Variants in AHRR observed in about 807,000 individuals in gnomAD.
AHRR encodes ahR repressor.
AHRR carries 28 observed loss-of-function variants against 44.0 expected under a neutral mutation model. The observed-to-expected ratio is 0.64, with a 90% confidence interval of 0.47 to 0.87. The LOEUF (loss-of-function observed/expected upper bound fraction) is 0.87. Ranked by LOEUF, AHRR falls within the 40% of genes least tolerant of loss-of-function variation. AHRR has a pLI of 0.00. For synonymous variants in AHRR, 434 were observed against 407.0 expected (o/e 1.07, Z -0.80); for missense variants, 990 against 953.9 (o/e 1.04, Z -0.50).
intron 3 of AHRR, among the ~76,000 whole-genome samples, chr5:364,312 A>G (rs1743280958): frequency 6.6e-6 from 1 of 152,256 alleles, no homozygotes; most frequent in African/African-American, 2.4e-5. Flanking sequence ...ATGAAAAACA[A>G]GAAGGTGGTG....
chr5:394,225 G>C (rs559420364), intron 4 of AHRR, among the ~76,000 whole-genome samples: 1 of 152,174 alleles, frequency 6.6e-6, no homozygotes, highest in Non-Finnish European at 1.5e-5. Flanking sequence ...TCCTGCTGGC[G>C]AATGTTTTCT....
chr5:344,063 G>A, intron 2 of AHRR, 99 bp downstream of exon 2: 4 of 1,327,558 alleles, frequency 3.0e-6, no homozygotes, highest in Non-Finnish European at 3.1e-6. Context: ...CAGGGCGAGC[G>A]AGGAAGGCTT....
intron 5 of AHRR, chr5:420,793 G>GCACGCAGCCACGCAGC (rs990758272): frequency 2.3e-5 from 2 of 87,534 alleles, no homozygotes; most frequent in Non-Finnish European, 4.0e-5. Flanking sequence ...CGCGCTGCAC[G>GCACGCAGCCACGCAGC]CACGCAGCCA....
At chr5:433,216 C>T (rs1467036832) in intron 10 of AHRR, among the ~76,000 whole-genome samples, 2 of 152,084 alleles carry the variant, frequency 1.3e-5, no homozygotes, top group African/African-American at 4.8e-5. Context: ...CTCTGGGACC[C>T]GCCCTCACCT....
At chr5:416,939 G>C (rs1321358650) in intron 5 of AHRR, among the ~76,000 whole-genome samples, 1 of 151,596 alleles carries the variant, frequency 6.6e-6, no homozygotes, top group Non-Finnish European at 1.5e-5. Flanking sequence ...TGGTCTTTAT[G>C]TGCAGGGCCC....
chr5:403,301 A>G (rs952646361), intron 4 of AHRR, among the ~76,000 whole-genome samples: 7 of 152,174 alleles, frequency 4.6e-5, no homozygotes, highest in African/African-American at 1.7e-4. Context: ...TTGCACAACA[A>G]TGTGGACGTG....
At position 433,930 on chromosome 5, in the gene AHRR, C is replaced by T; in HGVS notation, c.1190C>T (p.Thr397Ile). Residue 397 changes from threonine to isoleucine, a missense_variant, in exon 11 of 11, where the codon ACA becomes ATA. Thr to Ile is a moderately conservative substitution (Grantham distance 89). Coordinates refer to ENST00000684583, the MANE Select transcript of AHRR (RefSeq NM_001377236.1). ...VTGRRETPGP[T>I]KPLPWTAGKH... ...GGGCGGAGGGAGACTCCAGGACCCACAAAGCCCCTGCCCTGGACAGCGGGA... is the reference window on the plus strand; with the variant it reads ...GGGCGGAGGGAGACTCCAGGACCCATAAAGCCCCTGCCCTGGACAGCGGGA... 6.5e-7 allele frequency: 1 copy of T among 1,536,920 alleles called. No individual in the cohort carries two copies. Among genetic ancestry groups the T allele is most frequent in the Non-Finnish European group, 8.8e-7 (1 of 1,142,154 alleles).
chr5:355,289 C>T (rs932113206), intron 3 of AHRR, among the ~76,000 whole-genome samples: 4 of 152,042 alleles, frequency 2.6e-5, no homozygotes, highest in Non-Finnish European at 5.9e-5. Context: ...TGGGCACCAC[C>T]CTGCATGCAC....
At chr5:332,846 A>T (rs572942213) in intron 1 of AHRR, among the ~76,000 whole-genome samples, 1 of 151,208 alleles carries the variant, frequency 6.6e-6, no homozygotes, top group Non-Finnish European at 1.5e-5. Context: ...GGGTGCACCA[A>T]TGTTGGATGC....
At position 437,021 on chromosome 5, in the gene AHRR, A is replaced by C. The variant is rs566044947; in HGVS notation, c.*2187A>C. ...TCCTTCCTATTCTAACCGAGTGCCC[A>C]GCTCCTTTGCTGATCATGGAAAGAC... On this transcript the variant is annotated 3_prime_UTR_variant, in exon 11 of 11. Coordinates refer to ENST00000684583, the MANE Select transcript of AHRR (RefSeq NM_001377236.1). 6.6e-6 allele frequency: 1 copy of C among 152,444 alleles called. No individual in the cohort carries two copies. Among genetic ancestry groups the C allele is most frequent in the Admixed American group, 6.5e-5 (1 of 15,288 alleles). 9.4% of individuals were successfully genotyped at this position (152,444 alleles called of 1,614,324 possible).
At chr5:323,321 G>T (rs1284518169) in intron 1 of AHRR, among the ~76,000 whole-genome samples, 1 of 152,190 alleles carries the variant, frequency 6.6e-6, no homozygotes, top group Non-Finnish European at 1.5e-5. Flanking sequence ...TGAGTATTTT[G>T]TAAAATGGAA....
chr5:365,423 G>C (rs1159576598), intron 3 of AHRR, among the ~76,000 whole-genome samples: 3 of 152,116 alleles, frequency 2.0e-5, no homozygotes, highest in Non-Finnish European at 4.4e-5. Flanking sequence ...AAGAAAAGAA[G>C]ATGTAATTTA....
At chr5:400,693 A>G (rs909017421) in intron 4 of AHRR, among the ~76,000 whole-genome samples, 1 of 152,262 alleles carries the variant, frequency 6.6e-6, no homozygotes, top group African/African-American at 2.4e-5. Context: ...CCAGAAGTCA[A>G]TCTGATATTG....
At chr5:392,380 C>T (rs1301942775) in intron 4 of AHRR, among the ~76,000 whole-genome samples, 30 of 122,078 alleles carry the variant, frequency 2.5e-4, no homozygotes, top group African/African-American at 8.5e-4. Flanking sequence ...GGGCGCAGGG[C>T]GAGGAGGGCG....
intron 7 of AHRR, among the ~76,000 whole-genome samples, chr5:424,552 G>A (rs971870520): frequency 3.9e-5 from 6 of 152,162 alleles, no homozygotes; most frequent in African/African-American, 7.2e-5. Flanking sequence ...TGAGTCAACC[G>A]TGAGGCCTGC....
At chr5:325,019 C>T (rs1181056119) in intron 1 of AHRR, among the ~76,000 whole-genome samples, 6 of 152,174 alleles carry the variant, frequency 3.9e-5, no homozygotes, top group Non-Finnish European at 7.3e-5. Flanking sequence ...TTTGCCCAGG[C>T]GTTGCAGGGC....
chr5:411,096 TC>T lies in AHRR; in HGVS notation c.352-2247del, dbSNP rs1277319408. On this transcript the variant is annotated intron_variant, in intron 4 of 10. Coordinates refer to ENST00000684583, the MANE Select transcript of AHRR (RefSeq NM_001377236.1). This position sits in a 1 kb window ranked among gnomAD's most constrained non-coding sequence, Gnocchi z 4.2. ...AATTTTCAAAAATTCAAATTTTGAC[TC>T]TGTTAATGGCCTTTATTATTTGACT... 6.6e-6 allele frequency among the ~76,000 whole-genome samples: 1 copy of T among 152,284 alleles called. No individual in the cohort carries two copies. The highest frequency in any genetic ancestry group is 6.5e-5 in the Admixed American group (1 of 15,298).
At chr5:346,824 G>A (rs1047259498) in intron 2 of AHRR, among the ~76,000 whole-genome samples, 27 of 152,308 alleles carry the variant, frequency 1.8e-4, no homozygotes, top group African/African-American at 6.3e-4. Flanking sequence ...ATGAACACGC[G>A]GAAGCTCACG....
rs574750596 is a variant in AHRR at position 429,479 on chromosome 5, C to T, written c.908+1473C>T. On this transcript the variant is annotated intron_variant, in intron 8 of 10. Transcript: ENST00000684583. ...CGCAGGGCAGAGGGGTGGTCTGGGCCGGCCCTGCCCCTGCCCCCTGGCCCT... is the reference window on the plus strand; with the variant it reads ...CGCAGGGCAGAGGGGTGGTCTGGGCTGGCCCTGCCCCTGCCCCCTGGCCCT... Among the ~76,000 whole-genome samples, 106 of 144,000 alleles carry T rather than the reference C, an allele frequency of 7.4e-4. No individual in the cohort carries two copies. In the Middle Eastern group the frequency reaches 0.015, roughly 20 times the overall value. The allele number at this position is 144,000 out of a possible 152,430, so 94.5% of individuals were successfully genotyped here.
Sources: allele counts gnomAD v4.1 joint callset (sites outside exome capture counted in the v4.1 genomes callset), GRCh38; gene constraint gnomAD v4.1.1; non-coding constraint Gnocchi (gnomAD v3.1); transcripts MANE v1.5; gene names NCBI Gene and HGNC (gene_info 2026-07-23, HGNC 2026-07-21).